The following GPR107 variants were observed in gnomAD, a reference collection of about 807,000 sequenced individuals.
GPR107 encodes G protein-coupled receptor 107.
GPR107 carries 31 observed loss-of-function variants against 75.5 expected under a neutral mutation model. The observed-to-expected ratio is 0.41, with a 90% CI of 0.31 to 0.55. The LOEUF is 0.55. Ranked by LOEUF, GPR107 falls within the 20% of genes least tolerant of loss-of-function variation. The pLI is 0.26. For missense variants in GPR107, 572 were observed against 665.7 expected, an observed-to-expected ratio of 0.86 and a Z score of 1.55; for synonymous variants, 267 against 251.3, an observed-to-expected ratio of 1.06 and a Z score of -0.59.
chr9:130,121,081 C>T (rs1396806577), intron 14 of GPR107, among the ~76,000 whole-genome samples: 1 of 152,032 alleles, frequency 6.6e-6, no homozygotes, highest in Admixed American at 6.6e-5. Flanking sequence ...CCTGTAGTCC[C>T]AGCTGTTTGA....
At chr9:130,107,867 G>A (rs547225758) in intron 14 of GPR107, among the ~76,000 whole-genome samples, 57 of 152,308 alleles carry the variant, frequency 3.7e-4, no homozygotes, top group Non-Finnish European at 4.9e-4. Context: ...ATAACACTTC[G>A]CTGTGAGAAC....
chr9:130,061,201 G>C (rs995218699), intron 1 of GPR107, among the ~76,000 whole-genome samples: 1 of 152,148 alleles, frequency 6.6e-6, no homozygotes, highest in Non-Finnish European at 1.5e-5. Context: ...CCTTTGTGGA[G>C]TATTCATTCT....
At chr9:130,111,818 T>C (rs571990911) in intron 14 of GPR107, among the ~76,000 whole-genome samples, 1 of 152,184 alleles carries the variant, frequency 6.6e-6, no homozygotes, top group Non-Finnish European at 1.5e-5. Context: ...AAGGAAAGCA[T>C]TGAGGCCGAA....
chr9:130,125,019 A>T (rs952385948), intron 15 of GPR107, 55 bp downstream of exon 15: 7 of 864,292 alleles, frequency 8.1e-6, no homozygotes, highest in Non-Finnish European at 1.2e-5. Context: ...TTCAAGGAGT[A>T]GAGCAAATGA....
chr9:130,056,022 T>G (rs1184603507), intron 1 of GPR107, among the ~76,000 whole-genome samples: 2 of 151,198 alleles, frequency 1.3e-5, no homozygotes. Flanking sequence ...TAACAACTTT[T>G]GTTGTTTGTA....
chr9:130,089,671 C>CT (rs2132588026), intron 7 of GPR107, among the ~76,000 whole-genome samples: 1 of 152,112 alleles, frequency 6.6e-6, no homozygotes, highest in African/African-American at 2.4e-5. Flanking sequence ...ACTTTCATAT[C>CT]TTTTTTAGAC....
At chr9:130,084,287 A>C (rs1451179036) in intron 6 of GPR107, among the ~76,000 whole-genome samples, 1 of 151,648 alleles carries the variant, frequency 6.6e-6, no homozygotes, top group Non-Finnish European at 1.5e-5. Context: ...AATCCCAGCT[A>C]CTTGGGAGGC....
intron 1 of GPR107, among the ~76,000 whole-genome samples, chr9:130,069,730 T>C (rs534888067): frequency 3.2e-4 from 48 of 152,052 alleles, no homozygotes; most frequent in Non-Finnish European, 6.3e-4. Context: ...CTGTCACCCA[T>C]GCTGGAGTGC....
intron 1 of GPR107, among the ~76,000 whole-genome samples, chr9:130,061,152 T>C (rs1298531536): frequency 6.6e-6 from 1 of 152,212 alleles, no homozygotes; most frequent in Non-Finnish European, 1.5e-5. Flanking sequence ...TGGGCACTTC[T>C]AGACACAGGC....
At position 130,076,446 on chromosome 9, in the gene GPR107, G is replaced by C. The variant is rs1830350154; in HGVS notation, c.290G>C (p.Gly97Ala). The C allele has an allele frequency of 1.3e-6, 2 of 1,585,042 alleles. No individual in the cohort carries two copies. Among genetic ancestry groups the C allele is most frequent in the East Asian group, 2.2e-5 (1 of 44,764 alleles). ...GFSLDRTKND[G>A]FSSYLDEDVN... The stretch of plus-strand genomic sequence containing the variant: ...AGCCTAGACCGTACAAAGAATGATG[G>C]CTTTTCTTCTTACCTGGTGAGTATT... The change falls in exon 3 of 18, where the codon GGC becomes GCC. Residue 97 changes from glycine (G) to alanine (A), a missense_variant. Gly to Ala is a moderately conservative substitution (Grantham distance 60, BLOSUM62 0). Transcript: ENST00000347136.
At chr9:130,107,397 A>G (rs1831185920) in intron 13 of GPR107, 99 bp from the exon 14 acceptor site, 1 of 773,252 alleles carries the variant, frequency 1.3e-6, no homozygotes, top group Non-Finnish European at 2.4e-6. Context: ...ACCTTTCAGC[A>G]TGTAATTGAG....
chr9:130,108,678 A>G, intron 14 of GPR107: 1 of 454,714 alleles, frequency 2.2e-6, no homozygotes, highest in South Asian at 1.6e-5. Context: ...CCCAAGGCCC[A>G]CTCAGCTTCT....
intron 16 of GPR107, 131 bp downstream of exon 16, chr9:130,127,697 C>A (rs1268331166): frequency 3.3e-6 from 2 of 608,338 alleles, no homozygotes; most frequent in Non-Finnish European, 5.7e-6. Context: ...TTTTTTTTAA[C>A]TAAAAATTTT....
intron 9 of GPR107, among the ~76,000 whole-genome samples, chr9:130,096,853 T>G (rs984869173): frequency 3.9e-5 from 6 of 152,264 alleles, no homozygotes; most frequent in African/African-American, 1.2e-4. Flanking sequence ...GACGTTGTTG[T>G]ACATTTTTTA....
chr9:130,060,441 T>C (rs1422049714), intron 1 of GPR107, among the ~76,000 whole-genome samples: 3 of 145,176 alleles, frequency 2.1e-5, no homozygotes, highest in African/African-American at 5.2e-5. Context: ...TAAGGTCTCA[T>C]TGTGTTGCCC....
chr9:130,058,712 G>A (rs1302815707), intron 1 of GPR107, among the ~76,000 whole-genome samples: 1 of 152,132 alleles, frequency 6.6e-6, no homozygotes, highest in Non-Finnish European at 1.5e-5. Flanking sequence ...CAGTCCGCCC[G>A]CCTCGGCCTC....
rs1831950552 is a variant in GPR107 at position 130,136,165 on chromosome 9, C to T, written c.*1044C>T. 1 of 152,156 alleles carries T rather than the reference C, an allele frequency of 6.6e-6. No homozygotes were observed. The highest frequency in any genetic ancestry group is 1.5e-5 in the Non-Finnish European group (1 of 68,040). 9.4% of individuals were successfully genotyped at this position (152,156 alleles called of 1,614,324 possible). On this transcript the variant is annotated 3_prime_UTR_variant, in exon 18 of 18. Coordinates refer to ENST00000347136, the MANE Select transcript of GPR107 (RefSeq NM_020960.5). ...ATTCAACAGACTTGGTCCCCATAGT[C>T]CAAGAGTATGTATGTGAAGAAAGTG...
At chr9:130,095,791 A>C (rs566924535) in intron 9 of GPR107, among the ~76,000 whole-genome samples, 1 of 152,300 alleles carries the variant, frequency 6.6e-6, no homozygotes, top group African/African-American at 2.4e-5. Flanking sequence ...GCATGGGGGA[A>C]GGTCAGTTAA....
intron 14 of GPR107, among the ~76,000 whole-genome samples, chr9:130,118,218 C>T (rs962449175): frequency 2.0e-5 from 3 of 152,312 alleles, no homozygotes. Context: ...GTGCCCAGCC[C>T]AGCTTCTGGC....
Sources: allele counts gnomAD v4.1 joint callset (sites outside exome capture counted in the v4.1 genomes callset), GRCh38; gene constraint gnomAD v4.1.1; transcripts MANE v1.5; gene names NCBI Gene and HGNC (gene_info 2026-07-23, HGNC 2026-07-21).